The following GPC5 variants were observed in gnomAD, a reference collection of about 807,000 sequenced individuals.
GPC5 encodes the protein glypican-5.
A neutral mutation model predicts 53.9 loss-of-function variants in GPC5; 47 were observed. That is an observed-to-expected ratio of 0.87 (90% CI 0.69 to 1.11). The LOEUF (loss-of-function observed/expected upper bound fraction) is 1.11. Among genes scored for constraint, GPC5 ranks in the 50% most tolerant of loss-of-function variants. The probability of loss-of-function intolerance (pLI) is 0.00; values close to 1 mark genes in which losing one functional copy is unlikely to be tolerated. For synonymous variants in GPC5, 286 were observed against 263.3 expected (o/e 1.09, Z -0.84); for missense variants, 748 against 713.1 (o/e 1.05, Z -0.56).
intron 7 of GPC5, among the ~76,000 whole-genome samples, chr13:92,521,549 G>C (rs1036982413): frequency 1.3e-5 from 2 of 152,152 alleles, no homozygotes; most frequent in African/African-American, 4.8e-5. Flanking sequence ...TTTAATAAAT[G>C]GTGCTGGGAA....
chr13:91,967,229 A>G (rs750282406), intron 6 of GPC5, among the ~76,000 whole-genome samples: 2 of 152,160 alleles, frequency 1.3e-5, no homozygotes, highest in Admixed American at 6.5e-5. Flanking sequence ...CCATGAGAAC[A>G]GTAAAGAGAA....
At chr13:92,260,740 G>A (rs994924960) in intron 7 of GPC5, among the ~76,000 whole-genome samples, 3 of 152,116 alleles carry the variant, frequency 2.0e-5, no homozygotes, top group African/African-American at 7.2e-5. Flanking sequence ...CTTGTTTATA[G>A]CATTCTTATG....
intron 6 of GPC5, among the ~76,000 whole-genome samples, chr13:92,125,924 GTTTTTTTTTTTTT>G (rs1190169532): frequency 5.3e-5 from 4 of 75,818 alleles, no homozygotes; most frequent in African/African-American, 2.1e-4. Context: ...TTGTTTTTTG[GTTTTTTTTTTTTT>G]TTTTTTTTTT....
intron 1 of GPC5, among the ~76,000 whole-genome samples, chr13:91,429,304 C>CT (rs1415448238): frequency 2.0e-5 from 3 of 151,974 alleles, no homozygotes; most frequent in African/African-American, 4.8e-5. Flanking sequence ...TTTTTTCATG[C>CT]TTTTTTTGTT....
At chr13:92,178,800 C>G (rs1296142455) in intron 7 of GPC5, among the ~76,000 whole-genome samples, 2 of 151,956 alleles carry the variant, frequency 1.3e-5, no homozygotes, top group Non-Finnish European at 2.9e-5. Context: ...CATGGTGAAA[C>G]CCCGTCTCTA....
At chr13:92,197,585 C>T (rs1316962880) in intron 7 of GPC5, among the ~76,000 whole-genome samples, 1 of 152,048 alleles carries the variant, frequency 6.6e-6, no homozygotes, top group Admixed American at 6.6e-5. Context: ...GCAGCCTCAA[C>T]CCCCAAGGCT....
chr13:91,876,334 G>A (rs2039201340), intron 5 of GPC5, among the ~76,000 whole-genome samples: 2 of 152,212 alleles, frequency 1.3e-5, no homozygotes, highest in African/African-American at 4.8e-5. Context: ...CTCAGAAGAA[G>A]ACAGGAAAAT....
At chr13:92,351,994 A>G (rs1298601926) in intron 7 of GPC5, among the ~76,000 whole-genome samples, 1 of 152,210 alleles carries the variant, frequency 6.6e-6, no homozygotes, top group Non-Finnish European at 1.5e-5. Context: ...AGTAAAGAAC[A>G]AAGAATATAT....
intron 7 of GPC5, among the ~76,000 whole-genome samples, chr13:92,309,066 T>A (rs952098582): frequency 6.6e-6 from 1 of 152,098 alleles, no homozygotes; most frequent in African/African-American, 2.4e-5. Flanking sequence ...AGCACTTTTT[T>A]AAAAAATAAA....
At chr13:92,691,110 A>G (rs9523770) in intron 7 of GPC5, among the ~76,000 whole-genome samples, 11 of 73,776 alleles carry the variant, frequency 1.5e-4, no homozygotes, top group African/African-American at 5.9e-4. Flanking sequence ...TCGAGCTTCC[A>G]GGCTGCTTTG....
chr13:92,623,545 A>G (rs1303876256), intron 7 of GPC5, among the ~76,000 whole-genome samples: 1 of 152,208 alleles, frequency 6.6e-6, no homozygotes, highest in Non-Finnish European at 1.5e-5. Context: ...AATGAGAGAA[A>G]AAAGCTAGTT....
At chr13:92,799,492 A>G (rs952003580) in intron 7 of GPC5, among the ~76,000 whole-genome samples, 1 of 151,810 alleles carries the variant, frequency 6.6e-6, no homozygotes, top group Non-Finnish European at 1.5e-5. Context: ...TGGCATCTGA[A>G]AATTTACATG....
At chr13:91,738,514 A>G (rs1370107528) in intron 4 of GPC5, among the ~76,000 whole-genome samples, 1 of 151,336 alleles carries the variant, frequency 6.6e-6, no homozygotes, top group Non-Finnish European at 1.5e-5. Flanking sequence ...ACAGAAACAT[A>G]CAATATCCTG....
At chr13:92,450,116 T>A (rs1010041384) in intron 7 of GPC5, among the ~76,000 whole-genome samples, 1 of 152,178 alleles carries the variant, frequency 6.6e-6, no homozygotes, top group African/African-American at 2.4e-5. Context: ...TCCCTTTTTT[T>A]GCATTTACAA....
chr13:91,807,505 A>G (rs2038240571), intron 5 of GPC5, among the ~76,000 whole-genome samples: 1 of 152,186 alleles, frequency 6.6e-6, no homozygotes, highest in African/African-American at 2.4e-5. Flanking sequence ...CCTTTGAAAA[A>G]TAACTTGAGA....
intron 7 of GPC5, among the ~76,000 whole-genome samples, chr13:92,353,254 G>A (rs1460779414): frequency 2.1e-5 from 2 of 95,344 alleles, no homozygotes; most frequent in South Asian, 3.9e-4. Context: ...GCGACAGAGC[G>A]AGACTCCGTC....
At chr13:92,380,748 G>A (rs2043732153) in intron 7 of GPC5, among the ~76,000 whole-genome samples, 1 of 136,860 alleles carries the variant, frequency 7.3e-6, no homozygotes, top group Non-Finnish European at 1.5e-5. Context: ...TCACACTCTG[G>A]GGACTGTTGT....
chr13:92,594,433 G>T (rs921205697), intron 7 of GPC5, among the ~76,000 whole-genome samples: 5 of 152,166 alleles, frequency 3.3e-5, no homozygotes, highest in African/African-American at 1.2e-4. Flanking sequence ...TGAATGGTAA[G>T]ACAGTCCTTA....
intron 7 of GPC5, among the ~76,000 whole-genome samples, chr13:92,424,281 C>G (rs1288797620): frequency 6.6e-6 from 1 of 151,894 alleles, no homozygotes; most frequent in Non-Finnish European, 1.5e-5. Flanking sequence ...TTCCAATTTT[C>G]TGTATTTTAA....
Sources: gnomAD v4.1 joint callset for allele counts (sites outside exome capture counted in the v4.1 genomes callset) on GRCh38, gnomAD v4.1.1 for gene constraint, MANE v1.5 for transcripts, NCBI Gene and HGNC (gene_info 2026-07-23, HGNC 2026-07-21) for gene names.